The following PPP6R2 variants were observed in gnomAD, a reference collection of about 807,000 sequenced individuals.
The protein encoded by PPP6R2 is serine/threonine-protein phosphatase 6 regulatory subunit 2.
In PPP6R2, 62 loss-of-function variants were observed where a neutral mutation model predicts 100.2. The observed-to-expected ratio is 0.62, with a 90% CI of 0.50 to 0.76. PPP6R2 has a LOEUF of 0.76. PPP6R2 is among the 30% of genes least tolerant of loss of function. The probability of loss-of-function intolerance (pLI) is 0.00; values close to 1 mark genes in which losing one functional copy is unlikely to be tolerated. For synonymous variants in PPP6R2, 525 were observed against 514.7 expected, an observed-to-expected ratio of 1.02 and a Z score of -0.27; for missense variants, 1,142 against 1,276.3, an observed-to-expected ratio of 0.89 and a Z score of 1.60.
intron 1 of PPP6R2, among the ~76,000 whole-genome samples, chr22:50,368,238 G>A (rs191339054): frequency 2.6e-4 from 40 of 152,318 alleles, no homozygotes; most frequent in Middle Eastern, 3.4e-3. Flanking sequence ...CCTGACTGAT[G>A]TCAGGCCTTC....
intron 1 of PPP6R2, among the ~76,000 whole-genome samples, chr22:50,356,653 C>G (rs901867007): frequency 1.3e-5 from 2 of 151,996 alleles, no homozygotes; most frequent in African/African-American, 4.8e-5. Flanking sequence ...CAGTTTTCGG[C>G]CGGTTGTGGT....
upstream of PPP6R2, among the ~76,000 whole-genome samples, chr22:50,338,649 ATGTAG>A (rs2042331007): frequency 1.1e-5 from 1 of 93,828 alleles, no homozygotes. Flanking sequence ...TGTCTGTGGT[ATGTAG>A]TGTGTGTGGT....
intron 1 of PPP6R2, among the ~76,000 whole-genome samples, chr22:50,362,920 G>A (rs552912202): frequency 1.3e-5 from 2 of 152,306 alleles, no homozygotes; most frequent in African/African-American, 4.8e-5. Flanking sequence ...GGCCGCCTAA[G>A]CATACGAAGA....
intron 2 of PPP6R2, among the ~76,000 whole-genome samples, chr22:50,372,819 G>A (rs1184299576): frequency 1.3e-5 from 2 of 151,640 alleles, no homozygotes; most frequent in Admixed American, 1.3e-4. Flanking sequence ...CTCCCAAGTA[G>A]CTGGGACTAC....
At chr22:50,427,119 G>A (rs1042276727) in intron 10 of PPP6R2, among the ~76,000 whole-genome samples, 1 of 151,546 alleles carries the variant, frequency 6.6e-6, no homozygotes, top group Non-Finnish European at 1.5e-5. Flanking sequence ...AACCCGGGAG[G>A]TGGAGCTTGC....
chr22:50,371,232 TG>T (rs2050133703), intron 1 of PPP6R2, among the ~76,000 whole-genome samples: 1 of 152,166 alleles, frequency 6.6e-6, no homozygotes, highest in Non-Finnish European at 1.5e-5. Flanking sequence ...GGTTTGTGCT[TG>T]TAATTCCTGC....
At chr22:50,387,537 T>A (rs1050073862) in intron 2 of PPP6R2, among the ~76,000 whole-genome samples, 2 of 152,220 alleles carry the variant, frequency 1.3e-5, no homozygotes, top group Non-Finnish European at 2.9e-5. Flanking sequence ...TGTGCTCACG[T>A]TGCCATTTTT....
intron 3 of PPP6R2, among the ~76,000 whole-genome samples, chr22:50,395,992 C>T (rs977899556): frequency 2.4e-4 from 36 of 149,696 alleles, no homozygotes; most frequent in Non-Finnish European, 4.4e-4. Context: ...GTCAGGAGTT[C>T]GAAACCAGCC....
the PPP6R2 span, among the ~76,000 whole-genome samples, chr22:50,336,007 CAG>C: frequency 6.6e-6 from 1 of 150,904 alleles, no homozygotes; most frequent in East Asian, 2.0e-4. Context: ...CTTTTTGAGA[CAG>C]AGTCTTGCTC....
At chr22:50,353,518 A>G (rs1446300981) in intron 1 of PPP6R2, among the ~76,000 whole-genome samples, 1 of 152,208 alleles carries the variant, frequency 6.6e-6, no homozygotes, top group Non-Finnish European at 1.5e-5. Flanking sequence ...ACCATAACAG[A>G]TAAAATAATA....
intron 1 of PPP6R2, among the ~76,000 whole-genome samples, chr22:50,356,742 C>T (rs548155596): frequency 9.2e-5 from 14 of 151,984 alleles, no homozygotes; most frequent in African/African-American, 3.1e-4. Flanking sequence ...CGAGACCAGC[C>T]TGACCAACAT....
chr22:50,349,685 G>T (rs1212487592), intron 1 of PPP6R2, among the ~76,000 whole-genome samples: 3 of 151,826 alleles, frequency 2.0e-5, no homozygotes, highest in African/African-American at 7.3e-5. Context: ...AAATTAGCCA[G>T]GCGTGGTGGC....
In PPP6R2 at chr22:50,403,461, TC is replaced by T. The variant is rs1426781620; in HGVS notation, c.228-3226del. Among the ~76,000 whole-genome samples, 3 of 152,312 alleles carry T rather than the reference TC, an allele frequency of 2.0e-5. No individual in the cohort carries two copies. In the East Asian group the frequency reaches 5.8e-4, roughly 29 times the overall value. On this transcript the variant is annotated intron_variant, in intron 3 of 23. Transcript: ENST00000612753. ...TCCTGCCCTGAGGGACCATGTGTTG[TC>T]CACTTGCTGGCCAGCCCCTCTGACA...
At chr22:50,377,969 C>T (rs117800321) in intron 2 of PPP6R2, among the ~76,000 whole-genome samples, 2,040 of 151,900 alleles carry the variant, frequency 0.013, 20 homozygotes, top group East Asian at 0.034. Context: ...CTTGAGCGCT[C>T]CAGCCTGGGT....
At position 50,393,935 on chromosome 22, in the gene PPP6R2, C is replaced by T. The variant is rs1270882072; in HGVS notation, c.27C>T (p.Thr9=). Residue 9 remains threonine (T), a synonymous_variant, in exon 3 of 24, where the codon ACC becomes ACT. Transcript: ENST00000612753. MFWKFDLN[T]TSHVDKLLDK... ...TGTTCTGGAAGTTTGACTTGAACAC[C>T]ACGTCCCATGTTGACAAGCTGCTGG... is the stretch of plus-strand genomic sequence containing the variant. 2 of 1,614,052 alleles carry T rather than the reference C, an allele frequency of 1.2e-6. No homozygotes were observed. Among genetic ancestry groups the T allele is most frequent in the Admixed American group, 1.7e-5 (1 of 59,990 alleles).
intron 19 of PPP6R2, among the ~76,000 whole-genome samples, chr22:50,439,333 G>A (rs114179499): frequency 1.6e-3 from 237 of 152,226 alleles, no homozygotes; most frequent in African/African-American, 5.5e-3. Flanking sequence ...CCCCATCCTC[G>A]AGGCCAGGAA....
At chr22:50,371,424 G>T (rs922555984) in intron 1 of PPP6R2, among the ~76,000 whole-genome samples, 1 of 152,040 alleles carries the variant, frequency 6.6e-6, no homozygotes, top group Non-Finnish European at 1.5e-5. Flanking sequence ...CTCCCATGCT[G>T]GTTAGTAGTG....
At chr22:50,420,703 C>T (rs1041055052) in intron 8 of PPP6R2, among the ~76,000 whole-genome samples, 1 of 152,152 alleles carries the variant, frequency 6.6e-6, no homozygotes. Context: ...GAGGCATTGG[C>T]ACAAGGGGGT....
At position 50,440,970 on chromosome 22, in the gene PPP6R2, C is replaced by G; in HGVS notation, c.2523C>G (p.Pro841=). The G allele has an allele frequency of 1.2e-6, 2 of 1,611,860 alleles. No individual in the cohort carries two copies. Among genetic ancestry groups the G allele is most frequent in the East Asian group, 2.2e-5 (1 of 44,808 alleles). Reference sequence around the variant, plus strand: ...CCATGGATGCGGTGAGCAGGGGTCCCGGCCGGGAGGCCCCCCCGCTGCCCA... The same window carrying G: ...CCATGGATGCGGTGAGCAGGGGTCCGGGCCGGGAGGCCCCCCCGCTGCCCA... ...ASAMDAVSRG[P]GREAPPLPTV... Residue 841 remains proline (P), a synonymous_variant, in exon 22 of 24, where the codon CCC becomes CCG. Transcript: ENST00000612753.
Sources: gnomAD v4.1 joint callset for allele counts (sites outside exome capture counted in the v4.1 genomes callset) on GRCh38, gnomAD v4.1.1 for gene constraint, MANE v1.5 for transcripts, NCBI Gene and HGNC (gene_info 2026-07-23, HGNC 2026-07-21) for gene names.